The following ERC1 variants were observed in gnomAD, a reference collection of about 807,000 sequenced individuals.
ERC1 encodes RAB6 interacting protein 2.
Under a neutral mutation model 132.0 loss-of-function variants are expected in ERC1, and 56 were observed. The ratio of observed to expected loss-of-function variants is 0.42; its 90% CI spans 0.34 to 0.53. The LOEUF is 0.53. Ranked by LOEUF, ERC1 falls within the 20% of genes least tolerant of loss-of-function variation. The probability of loss-of-function intolerance (pLI) is 0.03; values close to 1 mark genes in which losing one functional copy is unlikely to be tolerated. For synonymous variants in ERC1, 478 were observed against 476.1 expected, an observed-to-expected ratio of 1.00 and a Z score of -0.05; for missense variants, 1,202 against 1,349.9, an observed-to-expected ratio of 0.89 and a Z score of 1.72.
chr12:1,144,237 A>C (rs749254569), intron 8 of ERC1, among the ~76,000 whole-genome samples: 1 of 152,210 alleles, frequency 6.6e-6, no homozygotes, highest in Non-Finnish European at 1.5e-5. Context: ...AAGTGAATTA[A>C]AACTTAAACT....
intron 8 of ERC1, among the ~76,000 whole-genome samples, chr12:1,167,216 T>C (rs1451832797): frequency 6.6e-6 from 1 of 152,206 alleles, no homozygotes; most frequent in Admixed American, 6.5e-5. Context: ...CTTGTCAGAG[T>C]AGTAAATACA....
chr12:1,203,852 G>A (rs1472549367), intron 12 of ERC1: 3 of 152,280 alleles, frequency 2.0e-5, no homozygotes, highest in East Asian at 1.9e-4. Context: ...CTGAATTGAT[G>A]TAAACAAGCC....
chr12:1,168,473 A>ACT (rs1952676780), intron 8 of ERC1, among the ~76,000 whole-genome samples: 1 of 143,826 alleles, frequency 7.0e-6, no homozygotes, highest in Non-Finnish European at 1.5e-5. Context: ...AAATGAAGTG[A>ACT]CTGGTCTTTT....
chr12:1,237,162 G>T (rs2075474871), intron 13 of ERC1, among the ~76,000 whole-genome samples: 2 of 152,196 alleles, frequency 1.3e-5, no homozygotes, highest in Non-Finnish European at 2.9e-5. Flanking sequence ...TAATTGGTAA[G>T]TTCAATGACA....
At chr12:1,173,134 T>C in intron 8 of ERC1, among the ~76,000 whole-genome samples, 1 of 152,360 alleles carries the variant, frequency 6.6e-6, no homozygotes, top group Middle Eastern at 3.4e-3. Flanking sequence ...ACTATAATCA[T>C]AAGAAATCAT....
At chr12:1,217,643 C>T (rs1958549107) in intron 12 of ERC1, among the ~76,000 whole-genome samples, 2 of 152,186 alleles carry the variant, frequency 1.3e-5, no homozygotes, top group African/African-American at 4.8e-5. Flanking sequence ...CCTGTCTTCC[C>T]AGTTCACTTA....
rs145879387 is a variant in ERC1, at chr12:1,128,152, A to G, written c.1569+12119A>G. On this transcript the variant is annotated intron_variant, in intron 7 of 18. Coordinates refer to ENST00000360905, the MANE Select transcript of ERC1 (RefSeq NM_178040.4). ...GCTTAGAATGAATTTACAATTCCAC[A>G]TTAGTTAATCACTTGTGGATTGTAA... 3.4e-3 allele frequency among the ~76,000 whole-genome samples: 525 copies of G among 152,324 alleles called. 4 individuals carry two copies. The highest frequency in any genetic ancestry group is 0.012 in the African/African-American group (494 of 41,580).
rs997040056 is a variant in ERC1 at position 1,353,142 on chromosome 12, T to C, written c.2781-18691T>C. Among the ~76,000 whole-genome samples, 11 of 151,176 alleles carry C rather than the reference T, an allele frequency of 7.3e-5. No homozygotes were observed. The East Asian group carries it at 1.6e-3, about 22-fold the overall frequency. On this transcript the variant is annotated intron_variant, in intron 15 of 18. Transcript: ENST00000360905. Reference sequence around the variant, plus strand: ...GCCTCCCGGGTTCACACCATTCTCCTGCCTCAGCCTCCCGAGTAGCTGGGA... The same window carrying C: ...GCCTCCCGGGTTCACACCATTCTCCCGCCTCAGCCTCCCGAGTAGCTGGGA...
intron 2 of ERC1, among the ~76,000 whole-genome samples, chr12:1,040,297 ATTTTTCTTTTTCTT>A (rs1969960227): frequency 6.9e-6 from 1 of 144,730 alleles, no homozygotes; most frequent in African/African-American, 2.5e-5. Flanking sequence ...AAAAATACTC[ATTTTTCTTTTTCTT>A]TTTTTCTTTT....
intron 8 of ERC1, among the ~76,000 whole-genome samples, chr12:1,179,500 CTTT>C (rs58317880): frequency 0.03 from 2,900 of 95,376 alleles, 20 homozygotes; most frequent in East Asian, 0.067. Flanking sequence ...ATTCATTTTT[CTTT>C]TTTTTTTTTT....
At chr12:1,304,429 G>A (rs2080674810) in intron 15 of ERC1, among the ~76,000 whole-genome samples, 1 of 152,218 alleles carries the variant, frequency 6.6e-6, no homozygotes, top group Non-Finnish European at 1.5e-5. Flanking sequence ...CCAAGTCATT[G>A]AGGAGGGAAA....
intron 12 of ERC1, among the ~76,000 whole-genome samples, chr12:1,197,146 A>C (rs1956411252): frequency 6.6e-6 from 1 of 151,356 alleles, no homozygotes; most frequent in South Asian, 2.1e-4. Flanking sequence ...ATGCCCAGCT[A>C]ATTTTTGTAT....
In ERC1 at chr12:998,155, A is replaced by G. The variant is rs968963701; in HGVS notation, c.-157+6833A>G. The stretch of plus-strand genomic sequence containing the variant: ...CTCAACCTATTTCTGTCTTGTTTCT[A>G]TCGCCATTATTTCAGTGAAACTGAA... On this transcript the variant is annotated intron_variant, in intron 1 of 18. Coordinates refer to ENST00000360905, the MANE Select transcript of ERC1 (RefSeq NM_178040.4). Among the ~76,000 whole-genome samples, 10 of 152,276 alleles carry G rather than the reference A, an allele frequency of 6.6e-5. No homozygotes were observed. In the South Asian group the frequency reaches 1.2e-3, roughly 19 times the overall value.
intron 18 of ERC1, among the ~76,000 whole-genome samples, chr12:1,463,998 G>C (rs970928723): frequency 6.6e-6 from 1 of 152,152 alleles, no homozygotes; most frequent in Admixed American, 6.5e-5. Context: ...ATGCAGAATG[G>C]CTGCCCTGCT....
At chr12:1,241,606 T>C (rs1212934189) in intron 13 of ERC1, among the ~76,000 whole-genome samples, 1 of 152,218 alleles carries the variant, frequency 6.6e-6, no homozygotes, top group Non-Finnish European at 1.5e-5. Flanking sequence ...GTTTGTTTCT[T>C]GTAAATGTTC....
At chr12:1,000,409 C>T (rs1433567785) in intron 1 of ERC1, among the ~76,000 whole-genome samples, 1 of 151,404 alleles carries the variant, frequency 6.6e-6, no homozygotes, top group Non-Finnish European at 1.5e-5. Flanking sequence ...TTCCTTGAAC[C>T]CTGGAGGCGG....
chr12:1,195,885 C>G (rs962678033), intron 12 of ERC1, among the ~76,000 whole-genome samples: 12 of 145,634 alleles, frequency 8.2e-5, no homozygotes, highest in African/African-American at 1.8e-4. Context: ...GCCCCCCCCC[C>G]CCTTTTTTTG....
At chr12:1,011,878 C>T (rs1290926427) in intron 1 of ERC1, among the ~76,000 whole-genome samples, 1 of 151,408 alleles carries the variant, frequency 6.6e-6, no homozygotes, top group East Asian at 1.9e-4. Flanking sequence ...ACCCAAGAGG[C>T]AGAGGTTGCA....
intron 13 of ERC1, among the ~76,000 whole-genome samples, chr12:1,240,148 G>A (rs569929289): frequency 6.6e-4 from 100 of 152,324 alleles, no homozygotes; most frequent in Non-Finnish European, 1.3e-3. Flanking sequence ...GAGCACAGTT[G>A]TTTAAAACAA....
Sources: gnomAD v4.1 joint callset for allele counts (sites outside exome capture counted in the v4.1 genomes callset) on GRCh38, gnomAD v4.1.1 for gene constraint, MANE v1.5 for transcripts, NCBI Gene and HGNC (gene_info 2026-07-23, HGNC 2026-07-21) for gene names.